The following SYTL2 variants were observed in gnomAD, a reference collection of about 807,000 sequenced individuals.
SYTL2 encodes the protein synaptotagmin-like protein 2.
SYTL2 carries 165 observed loss-of-function variants against 198.7 expected under a neutral mutation model. The observed-to-expected ratio is 0.83, with a 90% CI of 0.73 to 0.94. The LOEUF (loss-of-function observed/expected upper bound fraction) is 0.94, where lower values mean the gene tolerates loss of function less well. Among genes scored for constraint, SYTL2 ranks in the 40% least tolerant of loss-of-function variants. The probability of loss-of-function intolerance (pLI) is 0.00; values close to 1 mark genes in which losing one functional copy is unlikely to be tolerated. For synonymous variants in SYTL2, 966 were observed against 917.7 expected, an observed-to-expected ratio of 1.05 and a Z score of -0.95; for missense variants, 2,835 against 2,582.8, an observed-to-expected ratio of 1.10 and a Z score of -2.12.
chr11:85,853,861 C>T, the SYTL2 span: 1 of 152,192 alleles, frequency 6.6e-6, no homozygotes, highest in East Asian at 1.9e-4. Flanking sequence ...GGTACATACT[C>T]TTTCTTTCTT....
Position 85,725,251 on chromosome 11 carries a change from A to G in SYTL2, c.4107T>C (p.Asp1369=). Residue 1369 remains aspartate, a synonymous_variant, in exon 8 of 20, where the codon GAT becomes GAC. Transcript: ENST00000359152. ...VILPPRPVLN[D]VSAALQKLCG... ...ACAGCTTCTGTAATGCAGCACTTAC[A>G]TCATTCAATACAGGTCTGGGTGGAA... 6.2e-7 allele frequency: 1 copy of G among 1,614,174 alleles called. No individual in the cohort carries two copies. The highest frequency in any genetic ancestry group is 1.6e-4 in the Middle Eastern group (1 of 6,062).
In SYTL2 at chr11:85,695,116, T is replaced by C. The variant is rs987113181; in HGVS notation, c.*79A>G. 2.8e-5 allele frequency: 40 copies of C among 1,441,982 alleles called. No homozygotes were observed. In the Middle Eastern group the frequency reaches 7.2e-4, roughly 26 times the overall value. 89.3% of individuals were successfully genotyped at this position (1,441,982 alleles called of 1,614,324 possible). On this transcript the variant is annotated 3_prime_UTR_variant, in exon 20 of 20. Coordinates refer to ENST00000359152, the MANE Select transcript of SYTL2 (RefSeq NM_206927.4). ...TGCAATAGATAGAAAGTGAGGATAT[T>C]TGTCCACCTACTCAGATTTTCAAGA...
intron 4 of SYTL2, among the ~76,000 whole-genome samples, chr11:85,740,501 T>C (rs557578653): frequency 6.6e-6 from 1 of 152,330 alleles, no homozygotes; most frequent in African/African-American, 2.4e-5. Context: ...CATGTGGTCA[T>C]ATCTTCATAA....
chr11:85,848,211 G>C, the SYTL2 span, among the ~76,000 whole-genome samples: 1 of 150,978 alleles, frequency 6.6e-6, no homozygotes. Context: ...CTGCATTCCA[G>C]CCTGGTGACA....
At chr11:85,741,425 G>A (rs1395102013) in intron 4 of SYTL2, among the ~76,000 whole-genome samples, 3 of 152,172 alleles carry the variant, frequency 2.0e-5, no homozygotes, top group African/African-American at 4.8e-5. Flanking sequence ...TGTTGAACAT[G>A]CATATAAAAG....
intron 1 of SYTL2, among the ~76,000 whole-genome samples, chr11:85,769,120 C>T (rs1463930783): frequency 3.3e-5 from 5 of 152,182 alleles, no homozygotes; most frequent in Admixed American, 6.5e-5. Context: ...AGTTATGTTC[C>T]ATAAGTATGT....
chr11:85,703,640 C>T (rs911604266), intron 16 of SYTL2, among the ~76,000 whole-genome samples: 1 of 152,038 alleles, frequency 6.6e-6, no homozygotes, highest in South Asian at 2.1e-4. Context: ...ACAGAAGAAA[C>T]AACTCCACGG....
chr11:85,808,052 G>A (rs898094199), intron 1 of SYTL2, among the ~76,000 whole-genome samples: 2 of 152,008 alleles, frequency 1.3e-5, no homozygotes, highest in African/African-American at 2.4e-5. Context: ...GAGTATAGAT[G>A]TATTTATATC....
At chr11:85,787,822 A>ATT (rs2092663111) in intron 1 of SYTL2, among the ~76,000 whole-genome samples, 1 of 148,844 alleles carries the variant, frequency 6.7e-6, no homozygotes, top group Admixed American at 6.9e-5. Flanking sequence ...GGCTAGAGGT[A>ATT]TGGAAAGGAA....
the SYTL2 span, among the ~76,000 whole-genome samples, chr11:85,847,337 T>A: frequency 6.6e-6 from 1 of 152,204 alleles, no homozygotes; most frequent in African/African-American, 2.4e-5. Flanking sequence ...CTCAATTCTT[T>A]TGAGACCCAT....
chr11:85,718,586 ACAGTAT>A, intron 10 of SYTL2, 198 bp downstream of exon 10: 1 of 585,592 alleles, frequency 1.7e-6, no homozygotes, highest in South Asian at 2.1e-5. Flanking sequence ...GATCCTCATG[ACAGTAT>A]CACCAGAAGA....
chr11:85,832,751 G>A, the SYTL2 span, among the ~76,000 whole-genome samples: 3 of 148,342 alleles, frequency 2.0e-5, no homozygotes. Flanking sequence ...AGCAGTTTGG[G>A]AGGATGATGC....
rs554086639 is a variant in SYTL2 at position 85,729,681 on chromosome 11, C to T, written c.1391-1714G>A. On this transcript the variant is annotated intron_variant, in intron 7 of 19. Transcript: ENST00000359152. ...CACCCTAACATCACAATTAGAAAAA[C>T]TGGAAAAGCAAGAGCAAACAAATTC... Among the ~76,000 whole-genome samples the T allele has an allele frequency of 5.9e-5, 9 of 152,182 alleles. 1 individual carries two copies. In the South Asian group the frequency reaches 1.9e-3, roughly 32 times the overall value.
At chr11:85,765,417 A>G (rs186141495) in intron 1 of SYTL2, among the ~76,000 whole-genome samples, 14 of 152,266 alleles carry the variant, frequency 9.2e-5, no homozygotes, top group African/African-American at 3.4e-4. Flanking sequence ...TTGTGTGTTT[A>G]GTAGAGACGG....
intron 12 of SYTL2, among the ~76,000 whole-genome samples, chr11:85,712,006 T>C (rs1231330476): frequency 6.6e-6 from 1 of 152,180 alleles, no homozygotes; most frequent in Non-Finnish European, 1.5e-5. Context: ...ATCTAAAGTT[T>C]ATTAAATAGT....
intron 3 of SYTL2, 58 bp from the exon 4 acceptor site, chr11:85,745,830 TCTCTTATCAG>T (rs1211770100): frequency 1.3e-6 from 2 of 1,543,276 alleles, no homozygotes; most frequent in Non-Finnish European, 1.8e-6. Context: ...GACCTACAAC[TCTCTTATCAG>T]CTCTTATCAC....
At chr11:85,830,141 G>T in the SYTL2 span, among the ~76,000 whole-genome samples, 3 of 152,148 alleles carry the variant, frequency 2.0e-5, no homozygotes, top group Non-Finnish European at 4.4e-5. Context: ...ATTTCTTGGA[G>T]GGCTTGGCAC....
At position 85,709,714 on chromosome 11, in the gene SYTL2, ACT is replaced by A. The variant is rs563465646; in HGVS notation, c.5746-216_5746-215del. 1.0e-3 allele frequency among the ~76,000 whole-genome samples: 153 copies of A among 152,220 alleles called. 1 individual carries two copies. The highest frequency in any genetic ancestry group is 3.5e-3 in the African/African-American group (146 of 41,538). On this transcript the variant is annotated intron_variant, in intron 13 of 19. Coordinates refer to ENST00000359152, the MANE Select transcript of SYTL2 (RefSeq NM_206927.4). The stretch of plus-strand genomic sequence containing the variant: ...CATTTTGTTTTTGAGACAGAGTCTC[ACT>A]CTGTTGCCCAGGATGGAGTGCAGTG...
At chr11:85,810,904 G>A (rs996987400) in intron 1 of SYTL2, 50 bp downstream of exon 1, 2 of 152,328 alleles carry the variant, frequency 1.3e-5, no homozygotes, top group Non-Finnish European at 2.9e-5. Flanking sequence ...AAAGTTGCCC[G>A]AGGTAACACA....
Sources: gnomAD v4.1 joint callset for allele counts (sites outside exome capture counted in the v4.1 genomes callset) on GRCh38, gnomAD v4.1.1 for gene constraint, MANE v1.5 for transcripts, NCBI Gene and HGNC (gene_info 2026-07-23, HGNC 2026-07-21) for gene names.